The following CNTN4 variants were observed in gnomAD, a reference collection of about 807,000 sequenced individuals.
The protein encoded by CNTN4 is contactin 4, also known as contactin-4.
Under a neutral mutation model 122.5 loss-of-function variants are expected in CNTN4, and 77 were observed. The ratio of observed to expected loss-of-function variants is 0.63; its 90% CI spans 0.52 to 0.76. The LOEUF is 0.76. CNTN4 is among the 30% of genes least tolerant of loss of function. CNTN4 has a pLI of 0.00. For missense variants in CNTN4, 1,256 were observed against 1,259.1 expected (o/e 1.00, Z 0.04); for synonymous variants, 512 against 447.0 (o/e 1.15, Z -1.83).
rs112067776 is a variant in CNTN4 at position 2,618,655 on chromosome 3, C to G, written c.55+47097C>G. Among the ~76,000 whole-genome samples the G allele has an allele frequency of 4.4e-3, 671 of 152,234 alleles. 7 individuals carry two copies. The highest frequency in any genetic ancestry group is 0.015 in the African/African-American group (622 of 41,544). On this transcript the variant is annotated intron_variant, in intron 4 of 24. Transcript: ENST00000418658. ...AGCGGGGATAATTAACACAGAAAGT[C>G]AGGCTCTGGAGTCATTGCTCTTATT...
intron 6 of CNTN4, among the ~76,000 whole-genome samples, chr3:2,786,941 T>C (rs767757766): frequency 2.0e-5 from 3 of 152,218 alleles, no homozygotes; most frequent in Non-Finnish European, 4.4e-5. Flanking sequence ...TTTATACAAA[T>C]GGTTCTATTT....
At chr3:2,844,951 C>G in intron 7 of CNTN4, among the ~76,000 whole-genome samples, 1 of 152,098 alleles carries the variant, frequency 6.6e-6, no homozygotes, top group Non-Finnish European at 1.5e-5. Flanking sequence ...GCACTCTGTT[C>G]CTAGGTGTTG....
chr3:2,451,711 G>C (rs140333849), intron 3 of CNTN4, among the ~76,000 whole-genome samples: 2 of 151,812 alleles, frequency 1.3e-5, no homozygotes, highest in Non-Finnish European at 2.9e-5. Flanking sequence ...AGTTTTTTGC[G>C]CTGATGAAGT....
chr3:2,384,742 A>G (rs966985354), intron 3 of CNTN4, among the ~76,000 whole-genome samples: 14 of 150,112 alleles, frequency 9.3e-5, no homozygotes, highest in Non-Finnish European at 7.4e-5. Flanking sequence ...CTCCTACACC[A>G]GTAACAACTC....
At chr3:3,007,929 A>G (rs1159165740) in intron 14 of CNTN4, among the ~76,000 whole-genome samples, 1 of 152,232 alleles carries the variant, frequency 6.6e-6, no homozygotes. Context: ...CATGTCAACA[A>G]TAAAGTCATA....
intron 4 of CNTN4, among the ~76,000 whole-genome samples, chr3:2,735,043 T>A (rs1289163880): frequency 6.6e-6 from 1 of 152,206 alleles, no homozygotes; most frequent in African/African-American, 2.4e-5. Flanking sequence ...TATATACCAC[T>A]GTACTTGGTA....
intron 2 of CNTN4, among the ~76,000 whole-genome samples, chr3:2,240,223 A>G (rs756744758): frequency 6.6e-6 from 1 of 152,178 alleles, no homozygotes; most frequent in Non-Finnish European, 1.5e-5. Context: ...AATTATTTTC[A>G]GTTGGCTTTC....
chr3:2,993,927 G>A (rs1695286418), intron 14 of CNTN4, among the ~76,000 whole-genome samples: 1 of 152,134 alleles, frequency 6.6e-6, no homozygotes, highest in Non-Finnish European at 1.5e-5. Context: ...TTAGAACTTG[G>A]ATACGAGTTG....
intron 2 of CNTN4, among the ~76,000 whole-genome samples, chr3:2,179,469 A>G (rs1049689883): frequency 1.3e-5 from 2 of 151,988 alleles, no homozygotes; most frequent in Non-Finnish European, 2.9e-5. Context: ...AACTTCCAGC[A>G]TGGATGAACG....
intron 4 of CNTN4, among the ~76,000 whole-genome samples, chr3:2,654,739 C>A (rs1450245504): frequency 3.3e-5 from 5 of 152,148 alleles, no homozygotes; most frequent in African/African-American, 1.2e-4. Context: ...TCCCCCCAGT[C>A]CTTTCTTACC....
chr3:2,654,098 T>C (rs2083475802), intron 4 of CNTN4, among the ~76,000 whole-genome samples: 1 of 152,246 alleles, frequency 6.6e-6, no homozygotes, highest in Non-Finnish European at 1.5e-5. Flanking sequence ...ATGCTTTGCT[T>C]TTTGAAAGCA....
At chr3:2,250,703 A>G (rs2040343242) in intron 2 of CNTN4, among the ~76,000 whole-genome samples, 1 of 151,896 alleles carries the variant, frequency 6.6e-6, no homozygotes, top group Non-Finnish European at 1.5e-5. Context: ...TTGCATGTTC[A>G]TTTGGTTTTG....
At chr3:2,107,969 C>A (rs1446488620) in intron 2 of CNTN4, among the ~76,000 whole-genome samples, 3 of 152,096 alleles carry the variant, frequency 2.0e-5, no homozygotes, top group Non-Finnish European at 4.4e-5. Context: ...GCTGATCTCT[C>A]CTTACAGAGT....
intron 2 of CNTN4, among the ~76,000 whole-genome samples, chr3:2,182,892 T>C (rs1222611727): frequency 6.6e-6 from 1 of 151,914 alleles, no homozygotes; most frequent in African/African-American, 2.4e-5. Context: ...TAACAGCAGG[T>C]GCTCTCTTCT....
At chr3:2,678,366 A>G (rs1327273781) in intron 4 of CNTN4, among the ~76,000 whole-genome samples, 1 of 152,192 alleles carries the variant, frequency 6.6e-6, no homozygotes, top group Non-Finnish European at 1.5e-5. Flanking sequence ...AATATTGATT[A>G]TAACTTCTCT....
At chr3:2,487,177 T>A (rs1401960560) in intron 3 of CNTN4, among the ~76,000 whole-genome samples, 1 of 152,202 alleles carries the variant, frequency 6.6e-6, no homozygotes, top group Non-Finnish European at 1.5e-5. Flanking sequence ...GTAGCCAATT[T>A]GTTGGTAAAA....
intron 6 of CNTN4, among the ~76,000 whole-genome samples, chr3:2,814,742 A>G (rs1392894817): frequency 6.6e-6 from 1 of 152,328 alleles, no homozygotes; most frequent in Non-Finnish European, 1.5e-5. Flanking sequence ...CTTTGGAGAG[A>G]GACAAAACAT....
intron 2 of CNTN4, among the ~76,000 whole-genome samples, chr3:2,177,614 G>C (rs2036809400): frequency 1.3e-5 from 2 of 151,608 alleles, no homozygotes; most frequent in African/African-American, 2.4e-5. Context: ...CTATATGCCA[G>C]GGCTCTTCAG....
At chr3:2,870,948 T>C (rs2093777347) in intron 8 of CNTN4, among the ~76,000 whole-genome samples, 1 of 152,210 alleles carries the variant, frequency 6.6e-6, no homozygotes, top group Non-Finnish European at 1.5e-5. Context: ...GTCTCATGTC[T>C]GTTCACTGAC....
Sources: gnomAD v4.1 joint callset for allele counts (sites outside exome capture counted in the v4.1 genomes callset) on GRCh38, gnomAD v4.1.1 for gene constraint, MANE v1.5 for transcripts, NCBI Gene and HGNC (gene_info 2026-07-23, HGNC 2026-07-21) for gene names.